The following MINDY2 variants were observed in gnomAD, a reference collection of about 807,000 sequenced individuals.
MINDY2 encodes ubiquitin carboxyl-terminal hydrolase MINDY-2.
In MINDY2, 52 loss-of-function variants were observed where a neutral mutation model predicts 68.2. The observed-to-expected ratio is 0.76, with a 90% CI of 0.61 to 0.96. The LOEUF (loss-of-function observed/expected upper bound fraction) is 0.96, where lower values mean the gene tolerates loss of function less well. MINDY2 is among the 40% of genes least tolerant of loss of function. The pLI is 0.00. For missense variants in MINDY2, 881 were observed against 773.4 expected, an observed-to-expected ratio of 1.14 and a Z score of -1.65; for synonymous variants, 372 against 303.0, an observed-to-expected ratio of 1.23 and a Z score of -2.36.
At chr15:58,776,855 T>C (rs1293408161) in intron 1 of MINDY2, among the ~76,000 whole-genome samples, 9 of 151,472 alleles carry the variant, frequency 5.9e-5, no homozygotes, top group African/African-American at 2.2e-4. Flanking sequence ...GACCCCCATC[T>C]CTGTAAAAAA....
At chr15:58,822,251 C>CA (rs1396696177) in intron 5 of MINDY2, among the ~76,000 whole-genome samples, 201 of 127,424 alleles carry the variant, frequency 1.6e-3, no homozygotes, top group South Asian at 5.9e-3. Context: ...GACTCTGTAT[C>CA]AAAAAAAAAA....
intron 8 of MINDY2, among the ~76,000 whole-genome samples, chr15:58,852,533 C>G (rs1036432362): frequency 6.6e-6 from 1 of 152,146 alleles, no homozygotes; most frequent in African/African-American, 2.4e-5. Flanking sequence ...TCCTTTCAAT[C>G]AACTAGAGGG....
In MINDY2 at chr15:58,847,503, A is replaced by G. The variant is rs1337140758; in HGVS notation, c.1542+33A>G. ...TGTATTGTCGTCTTTATAGTGGTTA[A>G]AATGCTGATTTTTTTCAAATGTGAA... On this transcript the variant is annotated intron_variant, in intron 7 of 8. Transcript: ENST00000559228. 3 of 1,468,120 alleles carry G rather than the reference A, an allele frequency of 2.0e-6. No homozygotes were observed. The South Asian group carries it at 4.5e-5, about 22-fold the overall frequency. 90.9% of individuals were successfully genotyped at this position (1,468,120 alleles called of 1,614,324 possible). A position where few individuals can be genotyped will look rare whatever the true frequency, so the allele number is the denominator to read the frequency against.
At chr15:58,798,155 C>T (rs930977496) in intron 2 of MINDY2, among the ~76,000 whole-genome samples, 4 of 152,198 alleles carry the variant, frequency 2.6e-5, no homozygotes, top group African/African-American at 4.8e-5. Flanking sequence ...CTTGCTCTTT[C>T]GCCCAGGCTG....
intron 5 of MINDY2, among the ~76,000 whole-genome samples, chr15:58,823,590 A>AG (rs2031207639): frequency 2.0e-5 from 3 of 152,124 alleles, no homozygotes; most frequent in Non-Finnish European, 4.4e-5. Flanking sequence ...ACTTGAGCCC[A>AG]GGAGGTCAAG....
At chr15:58,774,541 T>G (rs1193813976) in intron 1 of MINDY2, among the ~76,000 whole-genome samples, 1 of 150,534 alleles carries the variant, frequency 6.6e-6, no homozygotes, top group Admixed American at 6.6e-5. Flanking sequence ...GATGCAAATC[T>G]GCCCTCGTGT....
intron 2 of MINDY2, chr15:58,795,932 G>T (rs1902253323): frequency 2.8e-6 from 1 of 353,802 alleles, no homozygotes; most frequent in South Asian, 2.2e-5. Flanking sequence ...GTGGTAGAAT[G>T]AAGTCAAGAG....
intron 1 of MINDY2, among the ~76,000 whole-genome samples, chr15:58,772,755 G>A (rs529708830): frequency 6.6e-6 from 1 of 152,292 alleles, no homozygotes; most frequent in Admixed American, 6.5e-5. Context: ...TCCATTTAAG[G>A]AAAAGCATTG....
At chr15:58,799,328 G>A (rs1246271324) in intron 2 of MINDY2, among the ~76,000 whole-genome samples, 1 of 152,188 alleles carries the variant, frequency 6.6e-6, no homozygotes, top group Non-Finnish European at 1.5e-5. Flanking sequence ...AGCACTTTGG[G>A]AGGCCGAGGC....
At chr15:58,826,872 T>C (rs1360522464) in intron 5 of MINDY2, among the ~76,000 whole-genome samples, 1 of 151,976 alleles carries the variant, frequency 6.6e-6, no homozygotes, top group Non-Finnish European at 1.5e-5. Context: ...CTTCCTCCCT[T>C]CCTTCCTTCA....
chr15:58,786,981 C>T (rs1159760802), intron 1 of MINDY2, among the ~76,000 whole-genome samples: 5 of 152,130 alleles, frequency 3.3e-5, no homozygotes, highest in African/African-American at 1.2e-4. Context: ...AAGCATGCGC[C>T]ACCATGCCCA....
In MINDY2 at chr15:58,772,001, T is replaced by TGAG. The variant is rs748940829; in HGVS notation, c.617_619dup (p.Glu206dup). Reference sequence around the variant, plus strand: ...AGGAGGGAGCGGAGAACAGGGTCCCTGAGGAGGAGGAGGGCGCGGCGGTGT... The same window carrying TGAG: ...AGGAGGGAGCGGAGAACAGGGTCCCTGAGGAGGAGGAGGAGGGCGCGGCGGTGT... On this transcript the variant is annotated inframe_insertion, in exon 1 of 9. Transcript: ENST00000559228. 3.8e-6 allele frequency: 6 copies of TGAG among 1,591,510 alleles called. No individual in the cohort carries two copies. The East Asian group carries it at 6.7e-5, about 18-fold the overall frequency.
At chr15:58,776,608 C>T (rs1485872118) in intron 1 of MINDY2, among the ~76,000 whole-genome samples, 1 of 152,088 alleles carries the variant, frequency 6.6e-6, no homozygotes, top group Admixed American at 6.6e-5. Flanking sequence ...GACAAGGTCA[C>T]TGAAAAGTCA....
intron 2 of MINDY2, chr15:58,796,193 A>G (rs1186828809): frequency 2.2e-6 from 1 of 452,540 alleles, no homozygotes; most frequent in Non-Finnish European, 4.4e-6. Flanking sequence ...GGCTTAATGG[A>G]GAACATGTGA....
intron 2 of MINDY2, among the ~76,000 whole-genome samples, chr15:58,790,863 T>C (rs1320332321): frequency 2.0e-5 from 3 of 152,096 alleles, no homozygotes; most frequent in Non-Finnish European, 4.4e-5. Context: ...GATTTTTGTT[T>C]TTAGATGTTT....
intron 5 of MINDY2, among the ~76,000 whole-genome samples, chr15:58,829,286 C>T (rs1323279491): frequency 1.3e-5 from 2 of 152,230 alleles, no homozygotes; most frequent in East Asian, 3.9e-4. Context: ...TTTTCTAGTT[C>T]TTAATAAGCT....
intron 2 of MINDY2, among the ~76,000 whole-genome samples, chr15:58,791,288 C>CT (rs1901894439): frequency 7.3e-6 from 1 of 136,530 alleles, no homozygotes; most frequent in African/African-American, 2.6e-5. Context: ...TGGATCAGCA[C>CT]TTTCAATTAA....
At chr15:58,791,666 G>A (rs1373576624) in intron 2 of MINDY2, among the ~76,000 whole-genome samples, 17 of 140,258 alleles carry the variant, frequency 1.2e-4, no homozygotes, top group African/African-American at 4.5e-4. Flanking sequence ...GTGTGTATGT[G>A]TGTGTGTGTA....
intron 4 of MINDY2, among the ~76,000 whole-genome samples, chr15:58,819,273 A>T (rs1347804183): frequency 6.6e-6 from 1 of 152,090 alleles, no homozygotes. Flanking sequence ...ACGTAATGAG[A>T]CCTGTCTCTA....
Sources: gnomAD v4.1 joint callset for allele counts (sites outside exome capture counted in the v4.1 genomes callset) on GRCh38, gnomAD v4.1.1 for gene constraint, MANE v1.5 for transcripts, NCBI Gene and HGNC (gene_info 2026-07-23, HGNC 2026-07-21) for gene names.